The following FAM83G variants were observed in gnomAD, a reference collection of about 807,000 sequenced individuals.
The protein encoded by FAM83G is protein FAM83G.
FAM83G carries 38 observed loss-of-function variants against 61.5 expected under a neutral mutation model. That is an observed-to-expected ratio of 0.62 (90% CI 0.48 to 0.81). The LOEUF is 0.81. Among genes scored for constraint, FAM83G ranks in the 30% least tolerant of loss-of-function variants. The pLI, the probability that FAM83G is intolerant of heterozygous loss-of-function variation, is 0.00. For missense variants in FAM83G, 989 were observed against 1,133.6 expected (o/e 0.87, Z 1.83); for synonymous variants, 470 against 476.1 (o/e 0.99, Z 0.17).
In FAM83G at chr17:18,988,330, C is replaced by T. The variant is rs1459663197; in HGVS notation, c.607G>A (p.Val203Met). The T allele has an allele frequency of 3.1e-6, 5 of 1,614,222 alleles. No homozygotes were observed. The highest frequency in any genetic ancestry group is 3.4e-6 in the Non-Finnish European group (4 of 1,180,050). Residue 203 changes from valine (V) to methionine (M), a missense_variant, in exon 3 of 6, where the codon GTG (valine) becomes ATG (methionine). Val to Met is a conservative substitution (Grantham distance 21). Coordinates refer to ENST00000388995, the MANE Select transcript of FAM83G (RefSeq NM_001039999.3). ...LDAGFKRKVA[V>M]YIIVDESNVK... ...TTACTCTCATCCACGATGATGTACA[C>T]GGCCACTTTCCTCTTGAAGCCGGCG... is the stretch of plus-strand genomic sequence containing the variant.
rs775115642 is a variant in FAM83G at position 18,977,683 on chromosome 17, T to G, written c.1983A>C (p.Gly661=). The G allele has an allele frequency of 1.2e-6, 2 of 1,610,454 alleles. No individual in the cohort carries two copies. Among genetic ancestry groups the G allele is most frequent in the Non-Finnish European group, 1.7e-6 (2 of 1,179,814 alleles). ...APHITRGTFV[G]PQGGSPWAQS... is the part of the protein sequence containing the mutation. The stretch of plus-strand genomic sequence containing the variant: ...GGGCCCATGGGGAGCCACCCTGGGG[T>G]CCAACAAAGGTCCCTCGGGTTATAT... The change falls in exon 5 of 6, where the codon GGA becomes GGC. Residue 661 remains glycine (G), a synonymous_variant. Transcript: ENST00000388995.
intron 3 of FAM83G, among the ~76,000 whole-genome samples, chr17:18,985,495 G>A (rs2043247124): frequency 6.6e-6 from 1 of 152,218 alleles, no homozygotes; most frequent in Non-Finnish European, 1.5e-5. Context: ...AGGGGTGGCA[G>A]TGGCTGAGGG....
intron 2 of FAM83G, among the ~76,000 whole-genome samples, chr17:18,994,559 AGGCTGAGCAGAGAACCACCGGAAAGGGGT>A (rs1388903088): frequency 2.0e-5 from 3 of 152,098 alleles, no homozygotes; most frequent in Non-Finnish European, 2.9e-5. Context: ...TGGAAAGGGG[AGGCTGAGCAGAGAACCACCGGAAAGGGGT>A]GGCTGGAACA....
At chr17:18,983,457 T>C (rs1475878576) in intron 3 of FAM83G, among the ~76,000 whole-genome samples, 2 of 152,250 alleles carry the variant, frequency 1.3e-5, no homozygotes, top group Non-Finnish European at 2.9e-5. Flanking sequence ...CTGCCCATAG[T>C]GGGATGGCCA....
At position 18,971,435 on chromosome 17, in the gene FAM83G, C is replaced by T; in HGVS notation, c.2396G>A (p.Arg799Lys). The T allele has an allele frequency of 1.2e-6, 2 of 1,613,848 alleles. No homozygotes were observed. Among genetic ancestry groups the T allele is most frequent in the Non-Finnish European group, 1.7e-6 (2 of 1,180,018 alleles). Residue 799 changes from arginine (R) to lysine (K), a missense_variant, in exon 6 of 6, where the codon AGG becomes AAG. Coordinates refer to ENST00000388995, the MANE Select transcript of FAM83G (RefSeq NM_001039999.3). This position sits in a 1 kb window ranked among gnomAD's most constrained non-coding sequence, Gnocchi z 5.5. Reference sequence around the variant, plus strand: ...TGAGGCCCACTGGCTACCGCCCGTCCTGGCCTTTAGGTGCTTCGACTGAGA... The same window carrying T: ...TGAGGCCCACTGGCTACCGCCCGTCTTGGCCTTTAGGTGCTTCGACTGAGA... Reference protein sequence around the residue: ...KLSQSKHLKARTGGSQWASSD... With the variant: ...KLSQSKHLKAKTGGSQWASSD...
At position 18,978,834 on chromosome 17, in the gene FAM83G, C is replaced by T. The variant is rs770013544; in HGVS notation, c.832G>A (p.Ala278Thr). 13 of 1,611,922 alleles carry T rather than the reference C, an allele frequency of 8.1e-6. No individual in the cohort carries two copies. The highest frequency in any genetic ancestry group is 1.6e-4 in the Middle Eastern group (1 of 6,082). Residue 278 changes from alanine to threonine, a missense_variant, in exon 5 of 6, where the codon GCG becomes ACG. By Grantham distance (58) the Ala-to-Thr change is moderately conservative. Transcript: ENST00000388995. ...CGSYSFTWSA[A>T]RTDRNVISVL... ...GAGATCACATTCCGGTCCGTCCGCG[C>T]GGCCGACCACGTGAAGCTGCAACAG...
At chr17:18,995,332 C>A (rs142334983) in intron 2 of FAM83G, among the ~76,000 whole-genome samples, 85 of 152,124 alleles carry the variant, frequency 5.6e-4, no homozygotes, top group Middle Eastern at 6.8e-3. Context: ...GAAAATGCAA[C>A]ATTTAAGACG....
chr17:18,974,225 C>T (rs2152004951), intron 5 of FAM83G, among the ~76,000 whole-genome samples: 1 of 152,230 alleles, frequency 6.6e-6, no homozygotes, highest in South Asian at 2.1e-4. Context: ...GGGGTTTCAC[C>T]ATGTTGGCCA....
At chr17:18,973,779 C>A (rs1271345097) in intron 5 of FAM83G, among the ~76,000 whole-genome samples, 1 of 152,046 alleles carries the variant, frequency 6.6e-6, no homozygotes, top group Admixed American at 6.6e-5. Context: ...CTCACTGCAA[C>A]CTCCGCCTCC....
At chr17:18,982,643 G>A (rs1413577337) in intron 3 of FAM83G, among the ~76,000 whole-genome samples, 1 of 152,170 alleles carries the variant, frequency 6.6e-6, no homozygotes, top group African/African-American at 2.4e-5. Flanking sequence ...GGCAAGGTGG[G>A]GGCTCCAGGG....
At chr17:19,002,343 G>C (rs1363312787) in intron 2 of FAM83G, among the ~76,000 whole-genome samples, 3 of 152,124 alleles carry the variant, frequency 2.0e-5, no homozygotes, top group Non-Finnish European at 4.4e-5. Context: ...TTGTTGGGCA[G>C]GGACTCCACC....
At chr17:19,004,996 C>A (rs1425197416), upstream of FAM83G, among the ~76,000 whole-genome samples, 2 of 152,184 alleles carry the variant, frequency 1.3e-5, no homozygotes, top group African/African-American at 4.8e-5. This position sits in a 1 kb window ranked among gnomAD's most constrained non-coding sequence, Gnocchi z 5.4. Flanking sequence ...CAGTGTTCTC[C>A]CTGAGGTCAC....
chr17:18,993,441 A>G (rs2043482133), intron 2 of FAM83G, among the ~76,000 whole-genome samples: 1 of 151,974 alleles, frequency 6.6e-6, no homozygotes, highest in Non-Finnish European at 1.5e-5. Context: ...GTAAGAGGGG[A>G]CAGTTTCCAA....
chr17:18,993,779 G>A (rs1266162408), intron 2 of FAM83G, among the ~76,000 whole-genome samples: 1 of 152,184 alleles, frequency 6.6e-6, no homozygotes, highest in Non-Finnish European at 1.5e-5. Context: ...TGTGGGCTCT[G>A]CACCCGCTGG....
intron 3 of FAM83G, 126 bp downstream of exon 3, chr17:18,988,121 G>A: frequency 7.1e-7 from 1 of 1,407,940 alleles, no homozygotes; most frequent in Admixed American, 2.4e-5. Context: ...GGAGGCTCTA[G>A]GATTACTGGA....
At position 18,970,933 on chromosome 17, in the gene FAM83G, GA is replaced by G. The variant is rs1304681655; in HGVS notation, c.*425del. On this transcript the variant is annotated 3_prime_UTR_variant, in exon 6 of 6. Coordinates refer to ENST00000388995, the MANE Select transcript of FAM83G (RefSeq NM_001039999.3). ...TTTGATGCATCAGGAAGTTTCTTGT[GA>G]GATGAAGGCAGGGGGGAGCCCAGGG... The G allele has an allele frequency of 7.3e-7, 1 of 1,377,606 alleles. No individual in the cohort carries two copies. The highest frequency in any genetic ancestry group is 1.0e-6 in the Non-Finnish European group (1 of 974,972). 85.3% of individuals were successfully genotyped at this position (1,377,606 alleles called of 1,614,324 possible).
Position 18,969,589 on chromosome 17 carries a change from TGGC to T in FAM83G, c.*1767_*1769del. The T allele has an allele frequency of 1.6e-6, 1 of 611,984 alleles. No homozygotes were observed. The highest frequency in any genetic ancestry group is 2.8e-6 in the Non-Finnish European group (1 of 357,170). The allele number at this position is 611,984 out of a possible 1,614,324, so 37.9% of individuals were successfully genotyped here. A position where few individuals can be genotyped will look rare whatever the true frequency, so the allele number is the denominator to read the frequency against. On this transcript the variant is annotated 3_prime_UTR_variant, in exon 6 of 6. Transcript: ENST00000388995. ...GCCACTAGGCAGTCAGCCCCCCTGC[TGGC>T]CCCTCAGGGACTGCCCTGGCTGGTA...
At position 19,004,273 on chromosome 17, in the gene FAM83G, G is replaced by C. The variant is rs1252756448; in HGVS notation, c.-128-104C>G. On this transcript the variant is annotated intron_variant, in intron 1 of 5. Coordinates refer to ENST00000388995, the MANE Select transcript of FAM83G (RefSeq NM_001039999.3). The surrounding 1 kb of genome is among the most constrained non-coding windows in gnomAD (Gnocchi z 5.4). ...AACTCAGGTGGGCGTGGGAAGGACG[G>C]GGCTGGGGCTGGGGCTGGGAAGATG... is the stretch of plus-strand genomic sequence containing the variant. 1.9e-6 allele frequency: 1 copy of C among 515,866 alleles called. No individual in the cohort carries two copies. The highest frequency in any genetic ancestry group is 5.0e-4 in the Middle Eastern group (1 of 1,988). The allele number at this position is 515,866 out of a possible 1,614,324, so 32.0% of individuals were successfully genotyped here.
At position 18,971,164 on chromosome 17, in the gene FAM83G, C is replaced by G. The variant is rs139582120; in HGVS notation, c.*195G>C. On this transcript the variant is annotated 3_prime_UTR_variant, in exon 6 of 6. Transcript: ENST00000388995. This position sits in a 1 kb window ranked among gnomAD's most constrained non-coding sequence, Gnocchi z 5.5. ...CCCACACAGGGGACCTGCCGTGGAC[C>G]GGGATGACCTTTGGCCTGACCATCA... 14 of 1,613,972 alleles carry G rather than the reference C, an allele frequency of 8.7e-6. No individual in the cohort carries two copies. Among genetic ancestry groups the G allele is most frequent in the Non-Finnish European group, 1.2e-5 (14 of 1,180,052 alleles).
Sources: allele counts gnomAD v4.1 joint callset (sites outside exome capture counted in the v4.1 genomes callset), GRCh38; gene constraint gnomAD v4.1.1; non-coding constraint Gnocchi (gnomAD v3.1); transcripts MANE v1.5; gene names NCBI Gene and HGNC (gene_info 2026-07-23, HGNC 2026-07-21).